PRELID2: variants seen among roughly 807,000 people sequenced by gnomAD.
PRELID2 encodes PRELI domain-containing protein 2.
Under a neutral mutation model 28.4 loss-of-function variants are expected in PRELID2, and 25 were observed. The ratio of observed to expected loss-of-function variants is 0.88; its 90% CI spans 0.64 to 1.23. The LOEUF (loss-of-function observed/expected upper bound fraction) is 1.23, where lower values mean the gene tolerates loss of function less well. PRELID2 is among the 50% of genes most tolerant of loss of function. The pLI is 0.00. For synonymous variants in PRELID2, 76 were observed against 71.6 expected (o/e 1.06, Z -0.31); for missense variants, 201 against 214.4 (o/e 0.94, Z 0.39).
chr5:145,377,773 G>A, the PRELID2 span, among the ~76,000 whole-genome samples: 6 of 152,084 alleles, frequency 3.9e-5, no homozygotes, highest in Non-Finnish European at 8.8e-5. Context: ...TCTCTTGAAA[G>A]CAGCATACCA....
intron 1 of PRELID2, among the ~76,000 whole-genome samples, chr5:145,547,592 A>T (rs1752798939): frequency 6.7e-6 from 1 of 148,820 alleles, no homozygotes; most frequent in South Asian, 2.1e-4. Context: ...TGAACTAACT[A>T]AAAAAAAAAG....
At chr5:145,511,806 A>T (rs748401547) in intron 1 of PRELID2, among the ~76,000 whole-genome samples, 1 of 152,212 alleles carries the variant, frequency 6.6e-6, no homozygotes, top group Non-Finnish European at 1.5e-5. Context: ...GAAATAAATC[A>T]CATGAACATC....
chr5:145,740,683 TTTAATATA>T (rs1756661574), intron 1 of PRELID2, among the ~76,000 whole-genome samples: 1 of 28,626 alleles, frequency 3.5e-5, no homozygotes, highest in Non-Finnish European at 8.1e-5. Context: ...ATATTTTATA[TTTAATATA>T]TTATTTATAT....
At chr5:145,386,916 A>C in the PRELID2 span, among the ~76,000 whole-genome samples, 2 of 152,206 alleles carry the variant, frequency 1.3e-5, no homozygotes, top group Admixed American at 1.3e-4. Context: ...GAGCAGCCCA[A>C]ATAAAATTGA....
chr5:145,424,082 A>T, the PRELID2 span, among the ~76,000 whole-genome samples: 1 of 151,268 alleles, frequency 6.6e-6, no homozygotes, highest in African/African-American at 2.4e-5. Context: ...TTGAGGAGGC[A>T]GTCTGCCTGT....
intron 1 of PRELID2, among the ~76,000 whole-genome samples, chr5:145,833,760 A>C (rs929703307): frequency 1.1e-4 from 17 of 152,292 alleles, no homozygotes; most frequent in East Asian, 3.9e-4. Flanking sequence ...CATCTCCCTT[A>C]GTTTGGCTTC....
chr5:145,330,937 T>A, the PRELID2 span, among the ~76,000 whole-genome samples: 1 of 130,768 alleles, frequency 7.6e-6, no homozygotes, highest in Non-Finnish European at 1.7e-5. Context: ...CTCTAAACAC[T>A]GCTTTAGTTT....
the PRELID2 span, among the ~76,000 whole-genome samples, chr5:145,249,953 C>G: frequency 6.6e-6 from 1 of 151,704 alleles, no homozygotes; most frequent in East Asian, 1.9e-4. Context: ...CTCTCTCTCT[C>G]TCTCTCTCTC....
At chr5:145,462,779 C>A in the PRELID2 span, among the ~76,000 whole-genome samples, 166 of 152,334 alleles carry the variant, frequency 1.1e-3, 1 homozygote, top group African/African-American at 3.8e-3. Context: ...ACTCTCCATA[C>A]GGTTACTCTT....
the PRELID2 span, among the ~76,000 whole-genome samples, chr5:145,345,500 AG>A: frequency 6.6e-6 from 1 of 152,088 alleles, no homozygotes; most frequent in Non-Finnish European, 1.5e-5. Flanking sequence ...GAATAAAGTC[AG>A]GATGGCAGAA....
At chr5:145,282,097 A>T in the PRELID2 span, among the ~76,000 whole-genome samples, 6 of 152,168 alleles carry the variant, frequency 3.9e-5, no homozygotes, top group African/African-American at 1.4e-4. Flanking sequence ...AGATCAAGTG[A>T]TGTAATCACC....
At chr5:145,823,614 A>T (rs760842688) in intron 1 of PRELID2, among the ~76,000 whole-genome samples, 10 of 152,196 alleles carry the variant, frequency 6.6e-5, no homozygotes, top group Non-Finnish European at 1.2e-4. Flanking sequence ...CTCCTGGTGG[A>T]GCCAGGGAAT....
At chr5:145,565,622 GT>G (rs1308198316) in intron 1 of PRELID2, among the ~76,000 whole-genome samples, 1 of 152,180 alleles carries the variant, frequency 6.6e-6, no homozygotes, top group Non-Finnish European at 1.5e-5. Context: ...GATCCTTTTG[GT>G]TTGCAGACAA....
At chr5:145,649,476 A>T (rs1329474234) in intron 1 of PRELID2, among the ~76,000 whole-genome samples, 1 of 152,230 alleles carries the variant, frequency 6.6e-6, no homozygotes, top group Admixed American at 6.5e-5. Flanking sequence ...ATGATGTTTA[A>T]CAGGTGAGAT....
chr5:145,775,286 T>G (rs899306859), intron 5 of PRELID2, among the ~76,000 whole-genome samples: 1 of 152,120 alleles, frequency 6.6e-6, no homozygotes, highest in Non-Finnish European at 1.5e-5. Flanking sequence ...CACCCTGATT[T>G]TTGTGACTCT....
At chr5:145,411,538 G>A in the PRELID2 span, among the ~76,000 whole-genome samples, 1 of 152,184 alleles carries the variant, frequency 6.6e-6, no homozygotes, top group Non-Finnish European at 1.5e-5. Flanking sequence ...TGCCTTTGTG[G>A]CTTTGTGAGT....
the PRELID2 span, among the ~76,000 whole-genome samples, chr5:145,318,726 CAA>C: frequency 2.6e-5 from 4 of 152,134 alleles, no homozygotes; most frequent in Non-Finnish European, 4.4e-5. Flanking sequence ...CTGTGACTCC[CAA>C]AGTCTCAATG....
chr5:145,709,149 C>T (rs1274735696), intron 1 of PRELID2, among the ~76,000 whole-genome samples: 3 of 152,154 alleles, frequency 2.0e-5, no homozygotes, highest in Non-Finnish European at 2.9e-5. Context: ...TTTCCTGGAC[C>T]GCCTACCAAA....
At chr5:145,267,302 CA>C in the PRELID2 span, among the ~76,000 whole-genome samples, 12 of 152,222 alleles carry the variant, frequency 7.9e-5, no homozygotes, top group Non-Finnish European at 1.6e-4. Context: ...CTGCCTTTCC[CA>C]GCCCACTGAC....
Sources: gnomAD v4.1 joint callset for allele counts (sites outside exome capture counted in the v4.1 genomes callset) on GRCh38, gnomAD v4.1.1 for gene constraint, MANE v1.5 for transcripts, NCBI Gene and HGNC (gene_info 2026-07-23, HGNC 2026-07-21) for gene names.